Variants in PRH1 observed in about 807,000 individuals in gnomAD.
The protein encoded by PRH1 is salivary acidic proline-rich phosphoprotein 1/2.
In PRH1, 7 loss-of-function variants were observed where a neutral mutation model predicts 7.9. The observed-to-expected ratio is 0.89, with a 90% CI of 0.50 to 1.67. The LOEUF is 1.67. Among genes scored for constraint, PRH1 ranks in the 40% most tolerant of loss-of-function variants. PRH1 has a pLI of 0.00. For synonymous variants in PRH1, 45 were observed against 80.8 expected (o/e 0.56, Z 2.38); for missense variants, 109 against 223.6 (o/e 0.49, Z 3.27).
chr12:11,058,888 G>C (rs558234359), intron 1 of PRH1, among the ~76,000 whole-genome samples: 1 of 152,308 alleles, frequency 6.6e-6, no homozygotes, highest in Non-Finnish European at 1.5e-5. Flanking sequence ...GGCACAAAGA[G>C]TGGTGGTATT....
chr12:10,953,486 G>T (rs1175491985), intron 2 of PRH1, among the ~76,000 whole-genome samples: 1 of 152,134 alleles, frequency 6.6e-6, no homozygotes, highest in Non-Finnish European at 1.5e-5. Context: ...GTTAACAACA[G>T]AATCAACAAA....
intron 1 of PRH1, among the ~76,000 whole-genome samples, chr12:11,142,624 G>A (rs34315443): frequency 0.21 from 32,184 of 152,034 alleles, 4,000 homozygotes; most frequent in Non-Finnish European, 0.27. Context: ...ACAATGCCAG[G>A]TAAAATTGAA....
At chr12:10,980,737 C>T (rs1939312593) in intron 1 of PRH1, among the ~76,000 whole-genome samples, 1 of 151,980 alleles carries the variant, frequency 6.6e-6, no homozygotes, top group Admixed American at 6.6e-5. Context: ...AATTTAGAGA[C>T]AAGAGAGAAC....
At chr12:10,939,303 C>A in intron 2 of PRH1, 1 of 701,056 alleles carries the variant, frequency 1.4e-6, no homozygotes. Flanking sequence ...CTTGAAAATT[C>A]AATAATATAT....
chr12:11,129,713 A>G (rs1315536933), intron 1 of PRH1, among the ~76,000 whole-genome samples: 1 of 152,288 alleles, frequency 6.6e-6, no homozygotes, highest in African/African-American at 2.4e-5. Flanking sequence ...ATGGTTCTTA[A>G]TCTACACCCA....
At chr12:11,160,231 G>C (rs983829180) in intron 1 of PRH1, among the ~76,000 whole-genome samples, 1 of 152,022 alleles carries the variant, frequency 6.6e-6, no homozygotes, top group Non-Finnish European at 1.5e-5. Flanking sequence ...AAGCATTTTT[G>C]TTGATGCAAT....
At chr12:11,027,474 T>G (rs1941973417) in intron 1 of PRH1, among the ~76,000 whole-genome samples, 1 of 152,152 alleles carries the variant, frequency 6.6e-6, no homozygotes, top group Admixed American at 6.5e-5. Context: ...ACAATCTTTT[T>G]TACAGTATAT....
intron 3 of PRH1, among the ~76,000 whole-genome samples, chr12:10,881,445 A>C (rs988258893): frequency 3.3e-5 from 5 of 152,262 alleles, no homozygotes; most frequent in African/African-American, 1.2e-4. Context: ...AAACAATAGA[A>C]TAGTATACAA....
At chr12:11,155,136 G>A (rs564408904) in intron 1 of PRH1, among the ~76,000 whole-genome samples, 2 of 152,214 alleles carry the variant, frequency 1.3e-5, no homozygotes, top group African/African-American at 2.4e-5. Context: ...AGTAACACTC[G>A]ATCTGTAATT....
At chr12:11,011,900 A>G (rs895161016) in intron 1 of PRH1, among the ~76,000 whole-genome samples, 27 of 152,144 alleles carry the variant, frequency 1.8e-4, no homozygotes, top group Admixed American at 5.2e-4. Context: ...GTAATTTCCA[A>G]AATGGAAAAT....
At chr12:10,987,554 G>C (rs901282373) in intron 1 of PRH1, among the ~76,000 whole-genome samples, 1 of 151,972 alleles carries the variant, frequency 6.6e-6, no homozygotes, top group African/African-American at 2.4e-5. Context: ...GAGAGAGAGA[G>C]AGAGAGAGAG....
intron 2 of PRH1, among the ~76,000 whole-genome samples, chr12:10,914,463 G>C (rs531854122): frequency 1.3e-5 from 2 of 152,320 alleles, no homozygotes; most frequent in Admixed American, 1.3e-4. Flanking sequence ...TGGATCCAAG[G>C]ATCAGGAACA....
intron 1 of PRH1, among the ~76,000 whole-genome samples, chr12:11,036,864 A>G (rs1194661178): frequency 6.6e-6 from 1 of 152,202 alleles, no homozygotes; most frequent in East Asian, 1.9e-4. Context: ...TGGCAGGTGA[A>G]AGGGAGAATG....
chr12:11,054,377 C>T (rs367922267), intron 1 of PRH1, among the ~76,000 whole-genome samples: 27 of 152,154 alleles, frequency 1.8e-4, no homozygotes, highest in Middle Eastern at 3.4e-3. Flanking sequence ...CTTTTAATAG[C>T]ATTATTAACA....
At position 11,093,175 on chromosome 12, in the gene PRH1, G is replaced by A. The variant is rs1401878832; in HGVS notation, n.124-45987C>T. On this transcript the variant is annotated intron_variant and non_coding_transcript_variant, in intron 1 of 4. Coordinates refer to the PRH1 transcript ENST00000541977. ...TTAATATATATATCATCCAGTAAAT[G>A]TCTAAATTCTCAAAGGGAGCTTGGT... Among the ~76,000 whole-genome samples the A allele has an allele frequency of 1.7e-5, 2 of 115,852 alleles. 1 individual carries two copies. The highest frequency in any genetic ancestry group is 4.2e-4 in the East Asian group (2 of 4,776). 76.0% of individuals were successfully genotyped at this position (115,852 alleles called of 152,430 possible). A position where few individuals can be genotyped will look rare whatever the true frequency, so the allele number is the denominator to read the frequency against.
chr12:11,162,162 C>A (rs1947437116), intron 1 of PRH1, among the ~76,000 whole-genome samples: 1 of 152,092 alleles, frequency 6.6e-6, no homozygotes. Flanking sequence ...GAGGGTAAAG[C>A]CAGGATCCTC....
chr12:10,993,229 T>C lies in PRH1; in HGVS notation c.-125-19508A>G, dbSNP rs1182479083. ...GTGAATGCTTTTTAATCTACATCGATTGGGAGAGAAAATCAAAATGATTTG... is the reference window on the plus strand; with the variant it reads ...GTGAATGCTTTTTAATCTACATCGACTGGGAGAGAAAATCAAAATGATTTG... On this transcript the variant is annotated intron_variant, in intron 1 of 3. Transcript: ENST00000539853. Among the ~76,000 whole-genome samples, 5 of 152,280 alleles carry C rather than the reference T, an allele frequency of 3.3e-5. No homozygotes were observed. In the South Asian group the frequency reaches 8.3e-4, roughly 25 times the overall value.
At chr12:11,099,206 C>G (rs1945155307) in intron 1 of PRH1, among the ~76,000 whole-genome samples, 1 of 152,156 alleles carries the variant, frequency 6.6e-6, no homozygotes, top group African/African-American at 2.4e-5. Context: ...AATTACTACA[C>G]TTTGCATAGA....
chr12:11,005,351 T>C (rs1940778126), intron 1 of PRH1, among the ~76,000 whole-genome samples: 2 of 152,142 alleles, frequency 1.3e-5, no homozygotes, highest in South Asian at 2.1e-4. Context: ...TCTCCATAAT[T>C]TGTGTTCAGC....
Sources: gnomAD v4.1 joint callset for allele counts (sites outside exome capture counted in the v4.1 genomes callset) on GRCh38, gnomAD v4.1.1 for gene constraint, MANE v1.5 for transcripts, NCBI Gene and HGNC (gene_info 2026-07-23, HGNC 2026-07-21) for gene names.